Variants in PRKG1 observed in about 807,000 individuals in gnomAD.
The protein encoded by PRKG1 is protein kinase cGMP-dependent 1.
A neutral mutation model predicts 88.1 loss-of-function variants in PRKG1; 35 were observed. The observed-to-expected ratio is 0.40, with a 90% CI of 0.30 to 0.53. The LOEUF is 0.53. PRKG1 is among the 20% of genes least tolerant of loss of function. The pLI, the probability that PRKG1 is intolerant of heterozygous loss-of-function variation, is 0.59. For synonymous variants in PRKG1, 303 were observed against 292.5 expected (o/e 1.04, Z -0.37); for missense variants, 540 against 839.8 (o/e 0.64, Z 4.41).
At chr10:51,259,048 GC>G (rs1365238168) in intron 2 of PRKG1, among the ~76,000 whole-genome samples, 3 of 152,122 alleles carry the variant, frequency 2.0e-5, no homozygotes, top group Non-Finnish European at 1.5e-5. Context: ...GCTATATGGT[GC>G]CCCCTGCCAA....
intron 2 of PRKG1, among the ~76,000 whole-genome samples, chr10:51,340,496 T>C (rs1841981287): frequency 6.6e-6 from 1 of 152,176 alleles, no homozygotes; most frequent in Admixed American, 6.5e-5. Flanking sequence ...TCAAAGTACT[T>C]GCTACTATAA....
Position 51,381,256 on chromosome 10 carries a change from T to TAAAAAAAAAAAAA in PRKG1, c.479-86435_479-86423dup, listed in dbSNP as rs71029366. On this transcript the variant is annotated intron_variant, in intron 2 of 17. Coordinates refer to ENST00000373980, the MANE Select transcript of PRKG1 (RefSeq NM_006258.4). ...TGGGCAACAGAGCAAGCCTCCATCT[T>TAAAAAAAAAAAAA]AAAAAAAAAAAAAAAAAAAAAAAAA... 5.9e-4 allele frequency among the ~76,000 whole-genome samples: 19 copies of TAAAAAAAAAAAAA among 32,058 alleles called. 1 individual carries two copies. The highest frequency in any genetic ancestry group is 9.0e-4 in the Non-Finnish European group (15 of 16,730). 21.0% of individuals were successfully genotyped at this position (32,058 alleles called of 152,430 possible).
intron 3 of PRKG1, among the ~76,000 whole-genome samples, chr10:51,554,949 C>A (rs1837272607): frequency 6.6e-6 from 1 of 151,462 alleles, no homozygotes; most frequent in Non-Finnish European, 1.5e-5. Context: ...CTTGAAATTT[C>A]AAAAGAAAAA....
intron 3 of PRKG1, among the ~76,000 whole-genome samples, chr10:51,752,521 G>T (rs576423025): frequency 3.4e-4 from 52 of 152,310 alleles, no homozygotes; most frequent in African/African-American, 1.3e-3. Flanking sequence ...TTAATGACAA[G>T]AAATGTATAA....
intron 3 of PRKG1, among the ~76,000 whole-genome samples, chr10:51,798,240 G>T (rs1046202061): frequency 1.3e-5 from 2 of 151,896 alleles, no homozygotes; most frequent in African/African-American, 4.8e-5. Flanking sequence ...TTCCACAGTG[G>T]CTGCACCATC....
intron 4 of PRKG1, among the ~76,000 whole-genome samples, chr10:51,891,240 G>A (rs1356749963): frequency 6.6e-6 from 1 of 152,074 alleles, no homozygotes; most frequent in Non-Finnish European, 1.5e-5. Context: ...CCCAAGCCAG[G>A]GTGACAGGGT....
At chr10:51,818,583 T>A (rs779698369) in intron 4 of PRKG1, among the ~76,000 whole-genome samples, 6 of 152,188 alleles carry the variant, frequency 3.9e-5, no homozygotes, top group Non-Finnish European at 8.8e-5. Flanking sequence ...TATACTACAC[T>A]ATACAATGTG....
At chr10:51,325,896 G>T (rs1020399149) in intron 2 of PRKG1, among the ~76,000 whole-genome samples, 3 of 152,102 alleles carry the variant, frequency 2.0e-5, no homozygotes, top group Non-Finnish European at 4.4e-5. Context: ...GAAACCTGCT[G>T]GGAGACATGC....
At chr10:51,050,726 AG>A (rs1843550152) in intron 1 of PRKG1, among the ~76,000 whole-genome samples, 1 of 152,022 alleles carries the variant, frequency 6.6e-6, no homozygotes, top group African/African-American at 2.4e-5. Context: ...TATTTTTTTG[AG>A]GAACTTCTAA....
chr10:51,155,627 T>C (rs1846188422), intron 2 of PRKG1, among the ~76,000 whole-genome samples: 1 of 151,968 alleles, frequency 6.6e-6, no homozygotes, highest in South Asian at 2.1e-4. Flanking sequence ...TGTGTCTATA[T>C]ACAGTGAGAA....
At chr10:51,083,532 AC>A (rs1844169197) in intron 1 of PRKG1, among the ~76,000 whole-genome samples, 1 of 136,968 alleles carries the variant, frequency 7.3e-6, no homozygotes, top group Non-Finnish European at 1.6e-5. Context: ...TTTTTTTCCT[AC>A]AGATATTTTA....
intron 5 of PRKG1, among the ~76,000 whole-genome samples, chr10:51,942,260 G>A (rs1264584694): frequency 2.0e-5 from 3 of 152,044 alleles, no homozygotes; most frequent in Non-Finnish European, 2.9e-5. Flanking sequence ...CTTTTGAGAA[G>A]TGTCTGTTCA....
At chr10:51,456,392 G>A (rs886471475) in intron 2 of PRKG1, among the ~76,000 whole-genome samples, 3 of 152,100 alleles carry the variant, frequency 2.0e-5, no homozygotes, top group Middle Eastern at 3.4e-3. Flanking sequence ...AGCCACATAT[G>A]GAAGAATGAA....
chr10:51,503,072 G>T (rs146357177), intron 3 of PRKG1, among the ~76,000 whole-genome samples: 2 of 152,160 alleles, frequency 1.3e-5, no homozygotes, highest in East Asian at 3.9e-4. Context: ...AAATCATCAT[G>T]TAGGTCATAC....
chr10:52,140,474 A>T (rs1177718337), intron 8 of PRKG1, among the ~76,000 whole-genome samples: 1 of 149,890 alleles, frequency 6.7e-6, no homozygotes, highest in Non-Finnish European at 1.5e-5. Context: ...TCCCCATCCC[A>T]CTCCACTCCC....
intron 2 of PRKG1, among the ~76,000 whole-genome samples, chr10:51,168,737 G>A (rs760394914): frequency 1.1e-4 from 16 of 152,242 alleles, no homozygotes; most frequent in East Asian, 3.9e-4. Context: ...ATCTAGAACC[G>A]TGTTACAAAA....
At chr10:51,482,484 T>C (rs934591982) in intron 3 of PRKG1, among the ~76,000 whole-genome samples, 2 of 97,336 alleles carry the variant, frequency 2.1e-5, no homozygotes, top group Non-Finnish European at 4.7e-5. Flanking sequence ...TGCCTCCTTA[T>C]CCAGACTGCC....
At chr10:51,980,454 T>G (rs1377547183) in intron 5 of PRKG1, among the ~76,000 whole-genome samples, 1 of 152,310 alleles carries the variant, frequency 6.6e-6, no homozygotes, top group Admixed American at 6.5e-5. Context: ...ATGTATAGTC[T>G]GTTATTTTGG....
At chr10:51,375,238 T>G (rs1208211045) in intron 2 of PRKG1, among the ~76,000 whole-genome samples, 2 of 149,898 alleles carry the variant, frequency 1.3e-5, no homozygotes, top group Non-Finnish European at 3.0e-5. Context: ...CATTGGAGTC[T>G]TCTTCTGTGA....
Sources: allele counts gnomAD v4.1 joint callset (sites outside exome capture counted in the v4.1 genomes callset), GRCh38; gene constraint gnomAD v4.1.1; transcripts MANE v1.5; gene names NCBI Gene and HGNC (gene_info 2026-07-23, HGNC 2026-07-21).